The following CTNNA2 variants were observed in gnomAD, a reference collection of about 807,000 sequenced individuals.
CTNNA2 encodes the protein catenin alpha-2.
In CTNNA2, 42 loss-of-function variants were observed where a neutral mutation model predicts 101.0. That is an observed-to-expected ratio of 0.42 (90% CI 0.32 to 0.54). The LOEUF (loss-of-function observed/expected upper bound fraction) is 0.54, where lower values mean the gene tolerates loss of function less well. CTNNA2 is among the 20% of genes least tolerant of loss of function. The probability of loss-of-function intolerance (pLI) is 0.14; values close to 1 mark genes in which losing one functional copy is unlikely to be tolerated. For missense variants in CTNNA2, 871 were observed against 1,223.1 expected, an observed-to-expected ratio of 0.71 and a Z score of 4.29; for synonymous variants, 450 against 456.4, an observed-to-expected ratio of 0.99 and a Z score of 0.18.
At chr2:79,265,458 G>A (rs778027889) in intron 2 of CTNNA2, among the ~76,000 whole-genome samples, 2 of 152,096 alleles carry the variant, frequency 1.3e-5, no homozygotes, top group Non-Finnish European at 2.9e-5. Context: ...TGCCTGGAAA[G>A]AGCCTAAGAC....
chr2:80,260,963 T>C (rs1005410151), intron 7 of CTNNA2, among the ~76,000 whole-genome samples: 1 of 151,806 alleles, frequency 6.6e-6, no homozygotes, highest in Non-Finnish European at 1.5e-5. Flanking sequence ...TGTGGAAGGA[T>C]AGACCTAGTC....
chr2:79,346,001 A>G (rs1677255422), intron 3 of CTNNA2, among the ~76,000 whole-genome samples: 1 of 152,014 alleles, frequency 6.6e-6, no homozygotes, highest in African/African-American at 2.4e-5. Flanking sequence ...TGTCCGGCCA[A>G]ATAGTTTTAA....
chr2:79,972,108 C>T (rs909120028), intron 7 of CTNNA2, among the ~76,000 whole-genome samples: 6 of 152,286 alleles, frequency 3.9e-5, no homozygotes, highest in African/African-American at 1.4e-4. Flanking sequence ...GAGAGGGGAC[C>T]ATACAAGAAC....
At chr2:79,202,162 A>G (rs1036035964) in intron 2 of CTNNA2, among the ~76,000 whole-genome samples, 3 of 152,206 alleles carry the variant, frequency 2.0e-5, no homozygotes, top group South Asian at 4.1e-4. Flanking sequence ...CATTTGTCTC[A>G]GGTAAGCCTC....
At chr2:80,385,762 C>T (rs1676938818) in intron 7 of CTNNA2, among the ~76,000 whole-genome samples, 1 of 152,070 alleles carries the variant, frequency 6.6e-6, no homozygotes, top group African/African-American at 2.4e-5. Context: ...CAGCTATGCT[C>T]TTCTTTTTGT....
At chr2:80,187,166 A>G (rs930468386) in intron 7 of CTNNA2, among the ~76,000 whole-genome samples, 2 of 152,224 alleles carry the variant, frequency 1.3e-5, no homozygotes, top group African/African-American at 4.8e-5. Flanking sequence ...GGTCCAATGC[A>G]TTAGAAAAAG....
At chr2:79,586,931 A>G (rs553509613) in intron 1 of CTNNA2, among the ~76,000 whole-genome samples, 2 of 151,654 alleles carry the variant, frequency 1.3e-5, no homozygotes, top group South Asian at 4.2e-4. Flanking sequence ...TTGGTTTTCC[A>G]TTGCTGAGTT....
At chr2:79,711,837 C>T (rs759284292) in intron 2 of CTNNA2, among the ~76,000 whole-genome samples, 5 of 152,108 alleles carry the variant, frequency 3.3e-5, no homozygotes, top group Non-Finnish European at 7.4e-5. Context: ...ACTGTGTTCC[C>T]ATATAACTTA....
chr2:79,742,110 C>T (rs901079740), intron 2 of CTNNA2, among the ~76,000 whole-genome samples: 6 of 152,154 alleles, frequency 3.9e-5, no homozygotes, highest in Non-Finnish European at 8.8e-5. Context: ...TCTTCCCCCC[C>T]ACAAAACTGA....
chr2:80,497,970 A>T (rs1687596991), intron 9 of CTNNA2, among the ~76,000 whole-genome samples: 1 of 152,156 alleles, frequency 6.6e-6, no homozygotes, highest in African/African-American at 2.4e-5. Context: ...CACCTACTCT[A>T]TGCTGAACTC....
chr2:79,878,753 A>C (rs1279241969), intron 6 of CTNNA2, among the ~76,000 whole-genome samples: 2 of 151,754 alleles, frequency 1.3e-5, no homozygotes, highest in Admixed American at 1.3e-4. Flanking sequence ...GATTGTAAAA[A>C]TTTTCTCCCA....
At chr2:80,015,338 T>C (rs1694065266) in intron 7 of CTNNA2, among the ~76,000 whole-genome samples, 1 of 152,162 alleles carries the variant, frequency 6.6e-6, no homozygotes, top group Non-Finnish European at 1.5e-5. Flanking sequence ...AAAGAGCTTC[T>C]GTTTTAATTA....
At chr2:79,491,002 T>C (rs1312361719) in intron 4 of CTNNA2, among the ~76,000 whole-genome samples, 1 of 152,166 alleles carries the variant, frequency 6.6e-6, no homozygotes, top group Admixed American at 6.5e-5. Context: ...ACTGTAATTA[T>C]TATATCAGAG....
At chr2:79,934,002 A>T (rs1287348858) in intron 7 of CTNNA2, among the ~76,000 whole-genome samples, 1 of 152,248 alleles carries the variant, frequency 6.6e-6, no homozygotes, top group Non-Finnish European at 1.5e-5. Context: ...AAATGAAAAC[A>T]GAAGAGGTCT....
At chr2:80,225,537 G>A (rs1010238387) in intron 7 of CTNNA2, among the ~76,000 whole-genome samples, 1 of 152,170 alleles carries the variant, frequency 6.6e-6, no homozygotes, top group African/African-American at 2.4e-5. Flanking sequence ...TGATGTATAT[G>A]TTTTAGAGCA....
chr2:80,099,798 A>G (rs78656562), intron 7 of CTNNA2, among the ~76,000 whole-genome samples: 1 of 152,236 alleles, frequency 6.6e-6, no homozygotes, highest in East Asian at 1.9e-4. Flanking sequence ...TCTGGAGACA[A>G]CCTGCTACAG....
At chr2:80,282,034 A>G (rs149946017) in intron 7 of CTNNA2, among the ~76,000 whole-genome samples, 39 of 152,172 alleles carry the variant, frequency 2.6e-4, no homozygotes, top group Admixed American at 3.9e-4. Flanking sequence ...CAGCCTTCAT[A>G]ATGATGCTAG....
intron 4 of CTNNA2, among the ~76,000 whole-genome samples, chr2:79,418,407 A>G (rs1290284820): frequency 6.6e-6 from 1 of 152,164 alleles, no homozygotes; most frequent in African/African-American, 2.4e-5. Context: ...AATGTCTCCC[A>G]AAGTAGCTTG....
At chr2:80,572,250 G>A (rs1441177212) in intron 12 of CTNNA2, among the ~76,000 whole-genome samples, 1 of 152,126 alleles carries the variant, frequency 6.6e-6, no homozygotes, top group African/African-American at 2.4e-5. Context: ...CTGATTATGG[G>A]TGAAGTCTTA....
Sources: gnomAD v4.1 joint callset for allele counts (sites outside exome capture counted in the v4.1 genomes callset) on GRCh38, gnomAD v4.1.1 for gene constraint, MANE v1.5 for transcripts, NCBI Gene and HGNC (gene_info 2026-07-23, HGNC 2026-07-21) for gene names.